OR51B5: variants seen among roughly 807,000 people sequenced by gnomAD.
OR51B5 encodes the protein olfactory receptor 51B5.
For synonymous variants in OR51B5, 186 were observed against 144.8 expected (o/e 1.28, Z -2.04); for missense variants, 456 against 374.6 (o/e 1.22, Z -1.79).
chr11:5,390,156 G>A, intron 1 of OR51B5: 2 of 1,613,860 alleles, frequency 1.2e-6, no homozygotes, highest in Non-Finnish European at 1.7e-6. Context: ...TTTCAGACAT[G>A]CACCGCTCCT....
chr11:5,442,195 T>C (rs16931041), intron 1 of OR51B5, among the ~76,000 whole-genome samples: 28,356 of 152,052 alleles, frequency 0.19, 2,960 homozygotes, highest in East Asian at 0.4. Flanking sequence ...TTCACCTTCA[T>C]ATAGTAAACT....
Position 5,489,783 on chromosome 11 carries a change from G to C in OR51B5, n.84+15786C>G. ...ATGACATGGCAGGAAGCTCTGGAAG[G>C]AAGAGGAATAGCCAGATGAATCAGA... On this transcript the variant is annotated intron_variant and non_coding_transcript_variant, in intron 1 of 4. Transcript: ENST00000415970. The C allele has an allele frequency of 2.1e-5, 15 of 726,482 alleles. No individual in the cohort carries two copies. The South Asian group carries it at 2.7e-4, about 13-fold the overall frequency. The allele number at this position is 726,482 out of a possible 1,614,324, so 45.0% of individuals were successfully genotyped here. A position where few individuals can be genotyped will look rare whatever the true frequency, so the allele number is the denominator to read the frequency against.
chr11:5,478,977 C>G (rs1291782265), intron 1 of OR51B5, among the ~76,000 whole-genome samples: 1 of 151,930 alleles, frequency 6.6e-6, no homozygotes, highest in African/African-American at 2.4e-5. Context: ...TCTAGCAAGG[C>G]AGGTCAACGT....
At chr11:5,342,129 G>A (rs1848904729), downstream of OR51B5, among the ~76,000 whole-genome samples, 2 of 152,122 alleles carry the variant, frequency 1.3e-5, no homozygotes, top group South Asian at 2.1e-4. Context: ...AAATTTATAG[G>A]TTCCCATTGT....
At chr11:5,363,776 A>G (rs1474536715) in intron 1 of OR51B5, among the ~76,000 whole-genome samples, 1 of 152,202 alleles carries the variant, frequency 6.6e-6, no homozygotes, top group Non-Finnish European at 1.5e-5. Flanking sequence ...GGATTCTATT[A>G]AAAACTAGGG....
chr11:5,454,218 C>T (rs765462810), intron 1 of OR51B5: 1 of 1,614,208 alleles, frequency 6.2e-7, no homozygotes, highest in South Asian at 1.1e-5. Flanking sequence ...ATGTGTGTCA[C>T]ATATCCTGGC....
chr11:5,440,933 G>C (rs2133775980), intron 1 of OR51B5: 1 of 1,613,908 alleles, frequency 6.2e-7, no homozygotes, highest in Non-Finnish European at 8.5e-7. Context: ...TGTTAACATG[G>C]ATGTCTCCAC....
chr11:5,400,663 C>G (rs1784878975), intron 1 of OR51B5, among the ~76,000 whole-genome samples: 1 of 152,162 alleles, frequency 6.6e-6, no homozygotes, highest in Non-Finnish European at 1.5e-5. Flanking sequence ...GATAAGACTT[C>G]AGCATAGGTG....
At chr11:5,342,578 A>C, downstream of OR51B5, 1 of 1,563,090 alleles carries the variant, frequency 6.4e-7, no homozygotes, top group Non-Finnish European at 8.6e-7. Context: ...GACTGTGATG[A>C]TTGGAGATCA....
chr11:5,351,601 G>T, intron 1 of OR51B5: 1 of 1,614,070 alleles, frequency 6.2e-7, no homozygotes, highest in Non-Finnish European at 8.5e-7. Flanking sequence ...ATTATTGGCA[G>T]CCTACATCTC....
chr11:5,434,007 C>G (rs1211697580), intron 1 of OR51B5, among the ~76,000 whole-genome samples: 1 of 152,106 alleles, frequency 6.6e-6, no homozygotes, highest in Non-Finnish European at 1.5e-5. Context: ...TTTCCTTGTG[C>G]CTCTTACCAA....
chr11:5,413,040 T>TA (rs1221410189), intron 1 of OR51B5, among the ~76,000 whole-genome samples: 10 of 46,898 alleles, frequency 2.1e-4, no homozygotes, highest in Non-Finnish European at 7.4e-5. Context: ...CACCCCCCAG[T>TA]AGGGCAGACT....
At position 5,356,207 on chromosome 11, in the gene OR51B5, C is replaced by CA. The variant is rs548370340; in HGVS notation, n.85-9298dup. Among the ~76,000 whole-genome samples, 593 of 152,046 alleles carry CA rather than the reference C, an allele frequency of 3.9e-3. 2 individuals are homozygous for CA. Among genetic ancestry groups the CA allele is most frequent in the Middle Eastern group, 0.01 (3 of 294 alleles). On this transcript the variant is annotated intron_variant and non_coding_transcript_variant, in intron 1 of 4. Coordinates refer to the OR51B5 transcript ENST00000415970. ...TAAAGGAGGAAGCTCGAACCCATGGCAAAAAAGTTAAAAACCTTGAAAATA... is the reference window on the plus strand; with the variant it reads ...TAAAGGAGGAAGCTCGAACCCATGGCAAAAAAAGTTAAAAACCTTGAAAATA...
At chr11:5,479,594 A>C (rs1041714530) in intron 1 of OR51B5, among the ~76,000 whole-genome samples, 3 of 151,932 alleles carry the variant, frequency 2.0e-5, no homozygotes, top group South Asian at 2.1e-4. Context: ...AAGACCCATC[A>C]GTGTGCTGTA....
exon 1 of OR51B5, chr11:5,505,577 A>G: frequency 1.1e-6 from 1 of 929,606 alleles, no homozygotes; most frequent in Non-Finnish European, 1.4e-6. Flanking sequence ...ACAGTTCCAC[A>G]TAGCTGGGGA....
At chr11:5,504,039 C>T (rs373534815) in intron 1 of OR51B5, among the ~76,000 whole-genome samples, 3 of 151,756 alleles carry the variant, frequency 2.0e-5, no homozygotes, top group African/African-American at 4.8e-5. Context: ...GTGTGGAATC[C>T]GATGGTAAAA....
intron 1 of OR51B5, among the ~76,000 whole-genome samples, chr11:5,386,627 T>G (rs1040867073): frequency 8.6e-5 from 13 of 151,944 alleles, no homozygotes; most frequent in Admixed American, 1.3e-4. Context: ...GTTAGTACTT[T>G]CTGCATAATC....
At chr11:5,447,781 A>T (rs1337643860) in intron 1 of OR51B5, among the ~76,000 whole-genome samples, 2 of 73,354 alleles carry the variant, frequency 2.7e-5, no homozygotes, top group Non-Finnish European at 8.2e-5. Context: ...CCCAAGTACT[A>T]GTGGTTCAAT....
chr11:5,488,805 T>C, intron 1 of OR51B5: 1 of 1,614,050 alleles, frequency 6.2e-7, no homozygotes, highest in Non-Finnish European at 8.5e-7. Flanking sequence ...TTGCCATCCC[T>C]TTCTGTGCCA....
Sources: allele counts gnomAD v4.1 joint callset (sites outside exome capture counted in the v4.1 genomes callset), GRCh38; gene constraint gnomAD v4.1.1; transcripts MANE v1.5; gene names NCBI Gene and HGNC (gene_info 2026-07-23, HGNC 2026-07-21).